The following SLC12A1 variants were observed in gnomAD, a reference collection of about 807,000 sequenced individuals.
SLC12A1 encodes the protein solute carrier family 12 member 1.
A neutral mutation model predicts 130.4 loss-of-function variants in SLC12A1; 89 were observed. That is an observed-to-expected ratio of 0.68 (90% confidence interval 0.58 to 0.81). The LOEUF (loss-of-function observed/expected upper bound fraction) is 0.81, where lower values mean the gene tolerates loss of function less well. Ranked by LOEUF, SLC12A1 falls within the 40% of genes least tolerant of loss-of-function variation. SLC12A1 has a pLI of 0.00. For synonymous variants in SLC12A1, 499 were observed against 460.0 expected, an observed-to-expected ratio of 1.08 and a Z score of -1.09; for missense variants, 1,310 against 1,336.4, an observed-to-expected ratio of 0.98 and a Z score of 0.31.
At chr15:48,237,874 T>A (rs2041457263) in intron 9 of SLC12A1, among the ~76,000 whole-genome samples, 1 of 151,850 alleles carries the variant, frequency 6.6e-6, no homozygotes, top group Admixed American at 6.6e-5. Context: ...GGTGGGAAAA[T>A]GGTGTAATAG....
At chr15:48,232,565 T>G (rs536363263) in intron 7 of SLC12A1, among the ~76,000 whole-genome samples, 162 bp from the exon 8 acceptor site, 1 of 152,358 alleles carries the variant, frequency 6.6e-6, no homozygotes, top group South Asian at 2.1e-4. Flanking sequence ...CCTATTTGCA[T>G]GCCATTCTAA....
At chr15:48,220,220 C>G (rs765151741) in intron 2 of SLC12A1, among the ~76,000 whole-genome samples, 1 of 151,212 alleles carries the variant, frequency 6.6e-6, no homozygotes, top group East Asian at 1.9e-4. Flanking sequence ...AAAAGAAGCA[C>G]AGATCCTCTA....
Position 48,241,559 on chromosome 15 carries a change from C to T in SLC12A1, c.1260C>T (p.Phe420=). The T allele has an allele frequency of 6.2e-7, 1 of 1,613,872 alleles. No homozygotes were observed. The highest frequency in any genetic ancestry group is 8.5e-7 in the Non-Finnish European group (1 of 1,179,766). ...CCAGAGGAACCATGCTGGCCATTTT[C>T]ATCACCACTGTTGCCTACTTAGGGG... ...AIPRGTMLAI[F]ITTVAYLGVA... Residue 420 remains phenylalanine (F), a synonymous_variant, in exon 10 of 27, where the codon TTC becomes TTT. Transcript: ENST00000380993.
rs1273963695 is a variant in SLC12A1, at chr15:48,248,586, A to G, written c.1685-989A>G. ...TCCAGAATCACACCCAGCTGCCTGC[A>G]TTTGCATCATTGCATCATTTGCATC... On this transcript the variant is annotated intron_variant, in intron 13 of 26. Transcript: ENST00000380993. Among the ~76,000 whole-genome samples, 3 of 152,076 alleles carry G rather than the reference A, an allele frequency of 2.0e-5. No individual in the cohort carries two copies. In the East Asian group the frequency reaches 5.8e-4, roughly 29 times the overall value.
chr15:48,286,776 C>T (rs551440239), intron 21 of SLC12A1, among the ~76,000 whole-genome samples: 4 of 152,294 alleles, frequency 2.6e-5, no homozygotes, highest in Admixed American at 6.5e-5. Flanking sequence ...AAAGTGGGCC[C>T]ATTCACTACT....
chr15:48,240,827 C>T (rs1313702879), intron 9 of SLC12A1, among the ~76,000 whole-genome samples: 2 of 151,834 alleles, frequency 1.3e-5, no homozygotes, highest in Non-Finnish European at 2.9e-5. Context: ...ATGATTTATC[C>T]CCCCCAATAG....
chr15:48,269,177 G>A lies in SLC12A1; in HGVS notation c.2296-481G>A, dbSNP rs576285954. ...TGATACTGTCACATAAAAGAATTAG[G>A]TTTTGGAAACATAATTCAGTCACTC... On this transcript the variant is annotated intron_variant, in intron 18 of 26. Coordinates refer to ENST00000380993, the MANE Select transcript of SLC12A1 (RefSeq NM_000338.3). Among the ~76,000 whole-genome samples, 20 of 152,254 alleles carry A rather than the reference G, an allele frequency of 1.3e-4. No individual in the cohort carries two copies. The South Asian group carries it at 3.9e-3, about 30-fold the overall frequency.
chr15:48,254,744 A>ACTC (rs1471417488), intron 15 of SLC12A1, among the ~76,000 whole-genome samples: 1 of 151,588 alleles, frequency 6.6e-6, no homozygotes, highest in Non-Finnish European at 1.5e-5. Flanking sequence ...ACACGGTGAA[A>ACTC]CTCCGTCTCT....
At chr15:48,220,845 C>A in intron 3 of SLC12A1, 76 bp from the exon 4 acceptor site, 1 of 1,610,576 alleles carries the variant, frequency 6.2e-7, no homozygotes, top group Non-Finnish European at 8.5e-7. Flanking sequence ...GGCCTGGGCA[C>A]AGCTTTATGA....
At chr15:48,280,149 T>C in intron 20 of SLC12A1, among the ~76,000 whole-genome samples, 1 of 149,428 alleles carries the variant, frequency 6.7e-6, no homozygotes, top group East Asian at 2.0e-4. Context: ...GGCCTCTGCC[T>C]ATTTCTAAAA....
intron 4 of SLC12A1, chr15:48,224,930 C>G (rs2041264943): frequency 6.6e-6 from 1 of 152,148 alleles, no homozygotes; most frequent in Admixed American, 6.5e-5. Flanking sequence ...ACCTTCTGAA[C>G]CATAAAATCC....
intron 8 of SLC12A1, among the ~76,000 whole-genome samples, chr15:48,233,958 T>G (rs1230923635): frequency 6.6e-6 from 1 of 152,180 alleles, no homozygotes. Context: ...GGTGGCAATG[T>G]GTGGGATGGT....
chr15:48,288,384 A>T (rs755618914), intron 22 of SLC12A1, 21 bp from the exon 23 acceptor site: 1 of 1,290,270 alleles, frequency 7.8e-7, no homozygotes, highest in Non-Finnish European at 1.1e-6. Context: ...TCATTGTGTC[A>T]TAATTTATTC....
At chr15:48,217,343 T>C (rs906457116) in intron 2 of SLC12A1, among the ~76,000 whole-genome samples, 18 of 152,322 alleles carry the variant, frequency 1.2e-4, no homozygotes, top group African/African-American at 4.3e-4. Flanking sequence ...TTGAATTACA[T>C]ACTTGGTTTG....
intron 20 of SLC12A1, among the ~76,000 whole-genome samples, chr15:48,277,664 G>A (rs931172499): frequency 3.3e-5 from 5 of 152,222 alleles, no homozygotes; most frequent in African/African-American, 1.2e-4. Flanking sequence ...AGCGGCATCA[G>A]GGTATTTCTG....
chr15:48,297,215 G>A (rs532542275), intron 24 of SLC12A1, among the ~76,000 whole-genome samples: 54 of 152,068 alleles, frequency 3.6e-4, no homozygotes, highest in African/African-American at 9.9e-4. Context: ...CTATCTACTC[G>A]CTCATGTATG....
At chr15:48,274,918 A>G (rs1478321893) in intron 20 of SLC12A1, among the ~76,000 whole-genome samples, 1 of 152,256 alleles carries the variant, frequency 6.6e-6, no homozygotes, top group Non-Finnish European at 1.5e-5. Flanking sequence ...CAAAGCCAGC[A>G]TCAAGGAAAA....
At chr15:48,209,105 G>A (rs977913255) in intron 2 of SLC12A1, among the ~76,000 whole-genome samples, 2 of 152,072 alleles carry the variant, frequency 1.3e-5, no homozygotes, top group South Asian at 4.1e-4. Flanking sequence ...CTTGTTGCCC[G>A]GGCTGGAGTG....
intron 1 of SLC12A1, among the ~76,000 whole-genome samples, chr15:48,206,557 C>T (rs889354665): frequency 6.6e-6 from 1 of 152,036 alleles, no homozygotes; most frequent in African/African-American, 2.4e-5. Context: ...ATGAGAGAGA[C>T]AAGTTTTTAT....
Sources: gnomAD v4.1 joint callset for allele counts (sites outside exome capture counted in the v4.1 genomes callset) on GRCh38, gnomAD v4.1.1 for gene constraint, MANE v1.5 for transcripts, NCBI Gene and HGNC (gene_info 2026-07-23, HGNC 2026-07-21) for gene names.